CAMK4: variants seen among roughly 807,000 people sequenced by gnomAD.
CAMK4 encodes calcium/calmodulin-dependent protein kinase type IV.
In CAMK4, 22 loss-of-function variants were observed where a neutral mutation model predicts 44.9. The ratio of observed to expected loss-of-function variants is 0.49; its 90% CI spans 0.35 to 0.70. The LOEUF (loss-of-function observed/expected upper bound fraction) is 0.70. Among genes scored for constraint, CAMK4 ranks in the 30% least tolerant of loss-of-function variants. CAMK4 has a pLI of 0.01. For synonymous variants in CAMK4, 218 were observed against 215.4 expected, an observed-to-expected ratio of 1.01 and a Z score of -0.11; for missense variants, 498 against 586.8, an observed-to-expected ratio of 0.85 and a Z score of 1.56.
chr5:111,227,917 C>T (rs904583042), intron 1 of CAMK4, among the ~76,000 whole-genome samples: 3 of 152,316 alleles, frequency 2.0e-5, no homozygotes, highest in East Asian at 3.9e-4. Context: ...TCCAGATCCT[C>T]GAGAGCAGTT....
At chr5:111,461,172 C>T (rs1189920802) in intron 7 of CAMK4, among the ~76,000 whole-genome samples, 2 of 152,148 alleles carry the variant, frequency 1.3e-5, no homozygotes, top group Non-Finnish European at 1.5e-5. Flanking sequence ...TTTCTTTTCT[C>T]ACTCCACTCA....
At chr5:111,322,130 A>G (rs1363830117) in intron 1 of CAMK4, among the ~76,000 whole-genome samples, 1 of 152,114 alleles carries the variant, frequency 6.6e-6, no homozygotes, top group East Asian at 1.9e-4. Context: ...GGCTGTGATC[A>G]TTGAGAGAAG....
At position 111,446,763 on chromosome 5, in the gene CAMK4, A is replaced by G; in HGVS notation, c.537A>G (p.Ala179=). 6.2e-7 allele frequency: 1 copy of G among 1,602,952 alleles called. No individual in the cohort carries two copies. Among genetic ancestry groups the G allele is most frequent in the Non-Finnish European group, 8.5e-7 (1 of 1,169,906 alleles). Residue 179 remains alanine (A), a synonymous_variant, in exon 6 of 11, where the codon GCA becomes GCG. Coordinates refer to ENST00000282356, the MANE Select transcript of CAMK4 (RefSeq NM_001744.6). The stretch of plus-strand genomic sequence containing the variant: ...TTTATGCAACTCCAGCCCCAGATGC[A>G]CCACTCAAAATCGGTGAGAACATTT... ...NLLYATPAPD[A]PLKIADFGLS...
intron 3 of CAMK4, among the ~76,000 whole-genome samples, chr5:111,376,106 G>C (rs1343719771): frequency 6.6e-6 from 1 of 151,992 alleles, no homozygotes; most frequent in Non-Finnish European, 1.5e-5. Flanking sequence ...TTATATTAAA[G>C]TAGGGAGAAA....
chr5:111,342,577 A>G (rs868518437), intron 1 of CAMK4, among the ~76,000 whole-genome samples: 14 of 151,202 alleles, frequency 9.3e-5, no homozygotes, highest in Non-Finnish European at 1.3e-4. Flanking sequence ...TTTTTATCCA[A>G]TCTGCTCTTT....
intron 1 of CAMK4, among the ~76,000 whole-genome samples, chr5:111,297,323 A>C (rs1023380095): frequency 6.6e-6 from 1 of 152,198 alleles, no homozygotes; most frequent in African/African-American, 2.4e-5. Context: ...ACTCATTTAT[A>C]AGTTCTCAAG....
intron 1 of CAMK4, among the ~76,000 whole-genome samples, chr5:111,308,517 C>G (rs1353044418): frequency 6.6e-6 from 1 of 152,162 alleles, no homozygotes; most frequent in Non-Finnish European, 1.5e-5. Context: ...TATCTACAAG[C>G]TACAAAATTT....
intron 5 of CAMK4, among the ~76,000 whole-genome samples, chr5:111,417,965 C>T (rs1449074605): frequency 6.6e-6 from 1 of 151,368 alleles, no homozygotes; most frequent in Non-Finnish European, 1.5e-5. Context: ...TCCATCCATG[C>T]AGTTTTGTGA....
rs115372374 is a variant in CAMK4 at position 111,248,754 on chromosome 5, A to G, written c.161+24110A>G. Among the ~76,000 whole-genome samples the G allele has an allele frequency of 1.5e-3, 234 of 152,262 alleles. 3 individuals carry two copies. Among genetic ancestry groups the G allele is most frequent in the African/African-American group, 5.4e-3 (223 of 41,542 alleles). On this transcript the variant is annotated intron_variant, in intron 1 of 10. Transcript: ENST00000282356. ...GAGATGAGGTTTGCTCTTCTGTAAT[A>G]TATCAGTAATGTCATATGGTCTAGA...
At chr5:111,328,837 T>C (rs369893397) in intron 1 of CAMK4, among the ~76,000 whole-genome samples, 57 of 151,930 alleles carry the variant, frequency 3.8e-4, no homozygotes, top group African/African-American at 1.3e-3. Flanking sequence ...TATAAGAATG[T>C]TTGTGATTTT....
At chr5:111,411,457 G>C (rs1311305048) in intron 5 of CAMK4, among the ~76,000 whole-genome samples, 2 of 152,230 alleles carry the variant, frequency 1.3e-5, no homozygotes, top group African/African-American at 4.8e-5. Context: ...CTTTATGCAA[G>C]AGAAGGCAAC....
At chr5:111,405,303 A>G (rs1752380376) in intron 5 of CAMK4, among the ~76,000 whole-genome samples, 1 of 152,140 alleles carries the variant, frequency 6.6e-6, no homozygotes, top group Admixed American at 6.5e-5. Context: ...CCCCATCTCT[A>G]CTAAAAATAC....
At chr5:111,242,717 G>A (rs926678993) in intron 1 of CAMK4, among the ~76,000 whole-genome samples, 3 of 152,112 alleles carry the variant, frequency 2.0e-5, no homozygotes, top group Admixed American at 6.6e-5. Flanking sequence ...CCACTCCTGC[G>A]TTCTCACCTG....
intron 3 of CAMK4, among the ~76,000 whole-genome samples, chr5:111,376,558 A>G (rs970887312): frequency 3.3e-5 from 5 of 152,134 alleles, no homozygotes; most frequent in Non-Finnish European, 7.4e-5. Flanking sequence ...TTTTTGAACA[A>G]TTCAGAAGTT....
At chr5:111,416,066 G>A (rs1350086871) in intron 5 of CAMK4, among the ~76,000 whole-genome samples, 1 of 152,120 alleles carries the variant, frequency 6.6e-6, no homozygotes, top group Non-Finnish European at 1.5e-5. Flanking sequence ...ACTGCATAAA[G>A]GCATCTACAT....
intron 5 of CAMK4, among the ~76,000 whole-genome samples, chr5:111,418,117 G>A (rs185563639): frequency 8.9e-4 from 136 of 152,090 alleles, no homozygotes; most frequent in African/African-American, 2.9e-3. Context: ...TTCCTTAAGC[G>A]TTGGCCAGCT....
At chr5:111,225,230 A>G (rs970431738) in intron 1 of CAMK4, among the ~76,000 whole-genome samples, 5 of 152,262 alleles carry the variant, frequency 3.3e-5, no homozygotes, top group African/African-American at 1.2e-4. Context: ...AGAAAGCAGC[A>G]TATGGGATCC....
rs1029112169 is a variant in CAMK4 at position 111,290,710 on chromosome 5, C to T, written c.162-53314C>T. On this transcript the variant is annotated intron_variant, in intron 1 of 10. Transcript: ENST00000282356. The surrounding 1 kb of genome is among the most constrained non-coding windows in gnomAD (Gnocchi z 4.5). ...TGCATATGTGCGGGTGCCATGGGGT[C>T]GAGTGATGGAATCAGCAGGGAGACT... Among the ~76,000 whole-genome samples the T allele has an allele frequency of 3.3e-5, 5 of 151,970 alleles. No homozygotes were observed. Among genetic ancestry groups the T allele is most frequent in the Non-Finnish European group, 7.4e-5 (5 of 68,018 alleles).
intron 1 of CAMK4, among the ~76,000 whole-genome samples, chr5:111,325,376 C>G (rs1218850213): frequency 1.3e-5 from 2 of 151,654 alleles, no homozygotes; most frequent in Non-Finnish European, 1.5e-5. Context: ...GATATAATAC[C>G]CCGTAGTAGG....
Sources: allele counts gnomAD v4.1 joint callset (sites outside exome capture counted in the v4.1 genomes callset), GRCh38; gene constraint gnomAD v4.1.1; non-coding constraint Gnocchi (gnomAD v3.1); transcripts MANE v1.5; gene names NCBI Gene and HGNC (gene_info 2026-07-23, HGNC 2026-07-21).